ARHGAP5: variants seen among roughly 807,000 people sequenced by gnomAD.
ARHGAP5 encodes rho GTPase-activating protein 5.
In ARHGAP5, 23 loss-of-function variants were observed where a neutral mutation model predicts 116.6. That is an observed-to-expected ratio of 0.20 (90% CI 0.14 to 0.28). ARHGAP5 has a LOEUF of 0.28. Ranked by LOEUF, ARHGAP5 falls within the 10% of genes least tolerant of loss-of-function variation. The pLI is 1.00. For synonymous variants in ARHGAP5, 574 were observed against 602.0 expected (o/e 0.95, Z 0.68); for missense variants, 1,405 against 1,774.8 (o/e 0.79, Z 3.74).
intron 3 of ARHGAP5, among the ~76,000 whole-genome samples, chr14:32,120,607 C>CT (rs772226735): frequency 0.017 from 2,361 of 137,406 alleles, 39 homozygotes; most frequent in African/African-American, 0.043. Context: ...TTGTAATTTC[C>CT]TTTTTTTTTT....
chr14:32,098,496 AT>A (rs1288545040), intron 2 of ARHGAP5, among the ~76,000 whole-genome samples: 11 of 152,240 alleles, frequency 7.2e-5, no homozygotes, highest in Admixed American at 5.2e-4. Flanking sequence ...TGCTGAATAC[AT>A]AGGATGTACA....
intron 1 of ARHGAP5, among the ~76,000 whole-genome samples, chr14:32,086,652 T>C (rs2041832288): frequency 6.6e-6 from 1 of 151,966 alleles, no homozygotes; most frequent in Non-Finnish European, 1.5e-5. Context: ...AAGGTACATG[T>C]TTTAGTTCTG....
intron 3 of ARHGAP5, among the ~76,000 whole-genome samples, chr14:32,123,654 A>G (rs1411164678): frequency 2.6e-5 from 4 of 151,942 alleles, no homozygotes; most frequent in Non-Finnish European, 1.5e-5. Flanking sequence ...TTTTTATTGG[A>G]TGATGTTATT....
intron 3 of ARHGAP5, among the ~76,000 whole-genome samples, chr14:32,126,440 C>T (rs189580890): frequency 2.6e-5 from 4 of 152,184 alleles, no homozygotes; most frequent in Admixed American, 1.3e-4. Context: ...CATGTGCGTG[C>T]GCAGGTGTGT....
chr14:32,115,275 A>G (rs1375351997), intron 2 of ARHGAP5, among the ~76,000 whole-genome samples: 1 of 152,218 alleles, frequency 6.6e-6, no homozygotes, highest in Non-Finnish European at 1.5e-5. Flanking sequence ...CTAATGCTAC[A>G]TTGAAGTTAA....
chr14:32,089,238 G>A lies in ARHGAP5; in HGVS notation c.-168-1264G>A, dbSNP rs930890105. Among the ~76,000 whole-genome samples the A allele has an allele frequency of 4.6e-5, 7 of 151,968 alleles. No homozygotes were observed. In the South Asian group the frequency reaches 1.5e-3, roughly 31 times the overall value. On this transcript the variant is annotated intron_variant, in intron 1 of 6. Coordinates refer to ENST00000345122, the MANE Select transcript of ARHGAP5 (RefSeq NM_001030055.2). ...CCATTAGTTAGTGTAACATATGTTC[G>A]GTGTAATTGAAATAGATGTTTACTT...
rs1881885048 is a variant in ARHGAP5 at position 32,156,135 on chromosome 14, G to T, written c.*1187G>T. The T allele has an allele frequency of 6.6e-6, 1 of 152,344 alleles. No homozygotes were observed. 9.4% of individuals were successfully genotyped at this position (152,344 alleles called of 1,614,324 possible). A position where few individuals can be genotyped will look rare whatever the true frequency, so the allele number is the denominator to read the frequency against. On this transcript the variant is annotated 3_prime_UTR_variant, in exon 7 of 7. Transcript: ENST00000345122. ...AAGCCAATTTTTTCCTTTGATGTTG[G>T]TACCAGAATTACTATAAGTGACTGC...
chr14:32,088,903 A>G (rs762115181), intron 1 of ARHGAP5, among the ~76,000 whole-genome samples: 2 of 151,960 alleles, frequency 1.3e-5, no homozygotes, highest in Non-Finnish European at 2.9e-5. Context: ...GAACTGTCTT[A>G]AGAGGTGTAG....
intron 4 of ARHGAP5, among the ~76,000 whole-genome samples, chr14:32,147,681 G>A (rs946959349): frequency 2.0e-5 from 3 of 152,036 alleles, no homozygotes; most frequent in Admixed American, 1.3e-4. Flanking sequence ...GGGGTGTTGG[G>A]GGGTACCACT....
intron 2 of ARHGAP5, among the ~76,000 whole-genome samples, chr14:32,096,508 A>C (rs1268589227): frequency 6.6e-6 from 1 of 152,256 alleles, no homozygotes; most frequent in East Asian, 1.9e-4. Context: ...ACATAATTAC[A>C]GATAGATCAG....
chr14:32,094,858 T>TAC (rs1178538496), intron 2 of ARHGAP5, among the ~76,000 whole-genome samples: 1 of 152,196 alleles, frequency 6.6e-6, no homozygotes, highest in Admixed American at 6.5e-5. Context: ...CCTGAAGGTA[T>TAC]ACAGAAAGGT....
chr14:32,137,307 A>T (rs987177431), intron 3 of ARHGAP5, among the ~76,000 whole-genome samples: 9 of 150,530 alleles, frequency 6.0e-5, no homozygotes, highest in African/African-American at 2.2e-4. Context: ...CTGTCTCTGC[A>T]CTATTTATTG....
chr14:32,099,105 T>C (rs117028140), intron 2 of ARHGAP5, among the ~76,000 whole-genome samples: 1,936 of 152,242 alleles, frequency 0.013, 22 homozygotes, highest in South Asian at 0.019. Context: ...TAGGATGTGT[T>C]GCATATGGGG....
chr14:32,093,134 T>C lies in ARHGAP5; in HGVS notation c.2465T>C (p.Ile822Thr). ...QNNSLMLDKI[I>T]GEKRRRIQIT... ...AATTCCCTAATGCTTGATAAAATCATTGGTGAAAAAAGGAGGCGAATACAG... is the reference window on the plus strand; with the variant it reads ...AATTCCCTAATGCTTGATAAAATCACTGGTGAAAAAAGGAGGCGAATACAG... Residue 822 changes from isoleucine to threonine, a missense_variant, in exon 2 of 7, where the codon ATT (isoleucine) becomes ACT (threonine). Around this residue, in one of 6 missense-constraint regions of ARHGAP5, gnomAD observed 944 missense variants for 1,095.3 expected, o/e 0.86. Coordinates refer to ENST00000345122, the MANE Select transcript of ARHGAP5 (RefSeq NM_001030055.2). 1 of 1,613,866 alleles carries C rather than the reference T, an allele frequency of 6.2e-7. No homozygotes were observed. The highest frequency in any genetic ancestry group is 1.1e-5 in the South Asian group (1 of 91,048).
intron 3 of ARHGAP5, among the ~76,000 whole-genome samples, chr14:32,142,548 G>C (rs190951765): frequency 6.6e-6 from 1 of 152,238 alleles, no homozygotes; most frequent in African/African-American, 2.4e-5. Flanking sequence ...TGGAGCCAAG[G>C]GAAAAACAAC....
At chr14:32,150,351 C>T (rs1431124857) in intron 5 of ARHGAP5, among the ~76,000 whole-genome samples, 1 of 152,160 alleles carries the variant, frequency 6.6e-6, no homozygotes, top group Admixed American at 6.5e-5. Context: ...ATAAATTCTT[C>T]AAATTGTAAG....
chr14:32,091,289 A>C lies in ARHGAP5; in HGVS notation c.620A>C (p.His207Pro). The part of the protein sequence containing the change: ...AATKCDECVD[H>P]YLREVQAFAS... ...ACTAAATGTGATGAATGCGTGGATCATTATCTTAGAGAAGTTCAGGCATTT... is the reference window on the plus strand; with the variant it reads ...ACTAAATGTGATGAATGCGTGGATCCTTATCTTAGAGAAGTTCAGGCATTT... Residue 207 changes from histidine to proline, a missense_variant, in exon 2 of 7, where the codon CAT becomes CCT. His to Pro is a moderately conservative substitution (Grantham distance 77, BLOSUM62 -2). This residue lies in a region of ARHGAP5 where 190 missense variants were observed against 314.9 expected (regional missense o/e 0.60). Coordinates refer to ENST00000345122, the MANE Select transcript of ARHGAP5 (RefSeq NM_001030055.2). 6.2e-7 allele frequency: 1 copy of C among 1,613,432 alleles called. No homozygotes were observed. Among genetic ancestry groups the C allele is most frequent in the Non-Finnish European group, 8.5e-7 (1 of 1,179,608 alleles).
chr14:32,134,603 G>A (rs775135858), intron 3 of ARHGAP5, among the ~76,000 whole-genome samples: 8 of 151,996 alleles, frequency 5.3e-5, no homozygotes, highest in African/African-American at 1.2e-4. Flanking sequence ...CAAAATAGCC[G>A]GCCTATTGAA....
At chr14:32,127,467 GTT>G (rs1162693316) in intron 3 of ARHGAP5, among the ~76,000 whole-genome samples, 1 of 152,168 alleles carries the variant, frequency 6.6e-6, no homozygotes, top group Non-Finnish European at 1.5e-5. Context: ...CACAGCACAT[GTT>G]TCAGAGAGCA....
Sources: gnomAD v4.1 joint callset for allele counts (sites outside exome capture counted in the v4.1 genomes callset) on GRCh38, gnomAD v4.1.1 for gene constraint, gnomAD v4.1.1 regional missense constraint, MANE v1.5 for transcripts, NCBI Gene and HGNC (gene_info 2026-07-23, HGNC 2026-07-21) for gene names.